Variants in FLT1 observed in about 807,000 individuals in gnomAD.
FLT1 encodes the protein fms related receptor tyrosine kinase 1.
In FLT1, 49 loss-of-function variants were observed where a neutral mutation model predicts 156.3. That is an observed-to-expected ratio of 0.31 (90% CI 0.25 to 0.40). The LOEUF (loss-of-function observed/expected upper bound fraction) is 0.40. Among genes scored for constraint, FLT1 ranks in the 10% least tolerant of loss-of-function variants. The probability of loss-of-function intolerance (pLI) is 1.00; values close to 1 mark genes in which losing one functional copy is unlikely to be tolerated. For missense variants in FLT1, 1,322 were observed against 1,637.2 expected (o/e 0.81, Z 3.32); for synonymous variants, 594 against 583.8 (o/e 1.02, Z -0.25).
intron 3 of FLT1, among the ~76,000 whole-genome samples, chr13:28,442,168 T>G (rs1878365076): frequency 6.6e-6 from 1 of 152,200 alleles, no homozygotes; most frequent in African/African-American, 2.4e-5. Context: ...GAGCTAGACA[T>G]TCAGCCATGG....
intron 24 of FLT1, among the ~76,000 whole-genome samples, chr13:28,317,821 C>T (rs1871267603): frequency 6.6e-6 from 1 of 152,188 alleles, no homozygotes; most frequent in Non-Finnish European, 1.5e-5. Flanking sequence ...GTGCGGGGCA[C>T]CTGGTGCTCA....
At chr13:28,386,217 G>T in intron 13 of FLT1, 16 of 1,053,712 alleles carry the variant, frequency 1.5e-5, no homozygotes, top group Non-Finnish European at 1.8e-5. Context: ...GTCCCTGCAG[G>T]GTTCTGCCAC....
At chr13:28,412,377 T>TTTCTTTCCTTCC (rs1566013093) in intron 10 of FLT1, among the ~76,000 whole-genome samples, 15 of 120,550 alleles carry the variant, frequency 1.2e-4, no homozygotes, top group Non-Finnish European at 2.0e-4. Context: ...TCTTTCTTTC[T>TTTCTTTCCTTCC]TTCTTTCTTT....
intron 14 of FLT1, among the ~76,000 whole-genome samples, chr13:28,362,308 A>G (rs1873140530): frequency 6.6e-6 from 1 of 152,228 alleles, no homozygotes; most frequent in Non-Finnish European, 1.5e-5. Context: ...TTTCATGATC[A>G]ATTGAGATAG....
chr13:28,333,963 C>A, intron 18 of FLT1, 62 bp downstream of exon 18: 1 of 1,046,054 alleles, frequency 9.6e-7, no homozygotes, highest in South Asian at 1.3e-5. Context: ...TAACTTGTAC[C>A]AACATTTAGG....
intron 11 of FLT1, among the ~76,000 whole-genome samples, chr13:28,402,579 T>C (rs9508023): frequency 0.3 from 45,562 of 151,784 alleles, 7,080 homozygotes; most frequent in East Asian, 0.44. Context: ...TATATCTATA[T>C]ATATAGAGAG....
At chr13:28,367,334 A>G (rs1873337359) in intron 14 of FLT1, among the ~76,000 whole-genome samples, 1 of 152,240 alleles carries the variant, frequency 6.6e-6, no homozygotes. Flanking sequence ...TGTCCTCTAA[A>G]GTATCTGACG....
chr13:28,392,641 A>C (rs1874808295), intron 12 of FLT1, among the ~76,000 whole-genome samples: 1 of 152,222 alleles, frequency 6.6e-6, no homozygotes, highest in African/African-American at 2.4e-5. Flanking sequence ...GATTTTGTTT[A>C]TCTTTGCCAA....
chr13:28,421,005 G>A (rs185762586), intron 10 of FLT1, among the ~76,000 whole-genome samples: 167 of 147,662 alleles, frequency 1.1e-3, no homozygotes, highest in African/African-American at 3.1e-3. Context: ...CCCCATCCCC[G>A]GATGGAAGGC....
At chr13:28,345,574 T>G (rs752507210) in intron 15 of FLT1, 23 bp from the exon 16 acceptor site, 1 of 1,367,000 alleles carries the variant, frequency 7.3e-7, no homozygotes, top group Non-Finnish European at 1.0e-6. Flanking sequence ...AAAATCACAA[T>G]AGTGGTGCAA....
At chr13:28,372,070 ATATATATTTTTTTTT>A (rs1873616704) in intron 14 of FLT1, among the ~76,000 whole-genome samples, 1 of 17,246 alleles carries the variant, frequency 5.8e-5, no homozygotes. Flanking sequence ...ATATATATAT[ATATATATTTTTTTTT>A]TTTTTTTTTT....
chr13:28,379,987 C>T (rs1874007147), intron 14 of FLT1, among the ~76,000 whole-genome samples: 1 of 152,116 alleles, frequency 6.6e-6, no homozygotes, highest in Non-Finnish European at 1.5e-5. Flanking sequence ...TAAAAAATAA[C>T]AATGATAATG....
intron 13 of FLT1, chr13:28,388,585 A>G: frequency 9.5e-7 from 1 of 1,053,930 alleles, no homozygotes; most frequent in African/African-American, 1.6e-5. Context: ...AAGAGATTAC[A>G]ACTTCTCTTG....
At chr13:28,350,644 CAG>C (rs1312334330) in intron 15 of FLT1, among the ~76,000 whole-genome samples, 1 of 152,022 alleles carries the variant, frequency 6.6e-6, no homozygotes, top group Non-Finnish European at 1.5e-5. Context: ...TATAACCAGA[CAG>C]AGTTTCCCAA....
intron 18 of FLT1, among the ~76,000 whole-genome samples, chr13:28,331,608 T>A (rs1871933848): frequency 6.6e-6 from 1 of 152,134 alleles, no homozygotes; most frequent in Non-Finnish European, 1.5e-5. Flanking sequence ...TTTTTGTATT[T>A]TTTATTAGAG....
chr13:28,355,658 G>C (rs1872872707), intron 15 of FLT1, among the ~76,000 whole-genome samples: 1 of 152,180 alleles, frequency 6.6e-6, no homozygotes, highest in African/African-American at 2.4e-5. Flanking sequence ...GCCTACTCCA[G>C]GATGCACTAA....
chr13:28,429,967 C>T, intron 8 of FLT1, 83 bp downstream of exon 8: 2 of 927,866 alleles, frequency 2.2e-6, no homozygotes, highest in Non-Finnish European at 1.8e-6. Flanking sequence ...GGTATTTTGT[C>T]AGGAATTCGA....
intron 18 of FLT1, among the ~76,000 whole-genome samples, chr13:28,330,018 C>T (rs1024511499): frequency 3.3e-5 from 5 of 152,358 alleles, no homozygotes; most frequent in East Asian, 1.9e-4. Context: ...AGCTGGGCAC[C>T]TCGTGAAAGT....
chr13:28,487,889 A>T (rs1881253799), intron 1 of FLT1, among the ~76,000 whole-genome samples: 1 of 151,942 alleles, frequency 6.6e-6, no homozygotes. Flanking sequence ...TGATTTGGTT[A>T]ACCATGGTAT....
Sources: allele counts gnomAD v4.1 joint callset (sites outside exome capture counted in the v4.1 genomes callset), GRCh38; gene constraint gnomAD v4.1.1; transcripts MANE v1.5; gene names NCBI Gene and HGNC (gene_info 2026-07-23, HGNC 2026-07-21).